TENM4: variants seen among roughly 807,000 people sequenced by gnomAD.
TENM4 encodes the protein teneurin transmembrane protein 4.
A neutral mutation model predicts 243.3 loss-of-function variants in TENM4; 82 were observed. The observed-to-expected ratio is 0.34, with a 90% CI of 0.28 to 0.40. The LOEUF is 0.40. Ranked by LOEUF, TENM4 falls within the 10% of genes least tolerant of loss-of-function variation. The pLI, the probability that TENM4 is intolerant of heterozygous loss-of-function variation, is 1.00. For synonymous variants in TENM4, 1,412 were observed against 1,456.3 expected, an observed-to-expected ratio of 0.97 and a Z score of 0.69; for missense variants, 3,138 against 3,673.3, an observed-to-expected ratio of 0.85 and a Z score of 3.77.
At chr11:79,282,131 C>T (rs1277140200) in intron 2 of TENM4, among the ~76,000 whole-genome samples, 1 of 152,156 alleles carries the variant, frequency 6.6e-6, no homozygotes, top group African/African-American at 2.4e-5. Context: ...ACTTCAAACC[C>T]GCAAGGAAAC....
intron 2 of TENM4, among the ~76,000 whole-genome samples, chr11:79,287,181 G>C (rs939701369): frequency 2.0e-5 from 3 of 152,218 alleles, no homozygotes; most frequent in Non-Finnish European, 2.9e-5. Context: ...GTCTTGGAGG[G>C]ATCATGAGAG....
intron 32 of TENM4, among the ~76,000 whole-genome samples, chr11:78,663,073 A>C (rs1216479294): frequency 1.3e-5 from 2 of 152,210 alleles, no homozygotes; most frequent in African/African-American, 2.4e-5. Context: ...GGCCGGAGCA[A>C]GAAGAGCTTC....
chr11:78,709,614 A>AC (rs893591943), intron 26 of TENM4, among the ~76,000 whole-genome samples: 10 of 152,038 alleles, frequency 6.6e-5, no homozygotes, highest in African/African-American at 1.9e-4. Context: ...GCTAAACTGC[A>AC]CCCCCCAGGT....
intron 2 of TENM4, among the ~76,000 whole-genome samples, chr11:79,264,988 C>T (rs951114851): frequency 5.9e-5 from 9 of 152,118 alleles, no homozygotes; most frequent in African/African-American, 1.7e-4. Flanking sequence ...TGGAGGCAGC[C>T]AGGTGTGGGG....
chr11:78,669,432 T>A lies in TENM4; in HGVS notation c.6913A>T (p.Ser2305Cys). The change falls in exon 32 of 34, where the codon AGC becomes TGC. Residue 2305 changes from serine (S) to cysteine (C), a missense_variant. Physicochemically the swap from Ser to Cys is moderately radical, Grantham distance 112. Coordinates refer to ENST00000278550, the MANE Select transcript of TENM4 (RefSeq NM_001098816.3). This position sits in a 1 kb window ranked among gnomAD's most constrained non-coding sequence, Gnocchi z 6.4. ...GLGRRVSSKS[S>C]HSHHLQFFYA... ...AAGAACTGCAGGTGGTGGCTGTGGC[T>A]GCTCTTGCTGGACACGCGCCGCCCC... 1 of 1,612,924 alleles carries A rather than the reference T, an allele frequency of 6.2e-7. No homozygotes were observed. Among genetic ancestry groups the A allele is most frequent in the Non-Finnish European group, 8.5e-7 (1 of 1,179,246 alleles).
At chr11:79,138,297 T>A (rs1862152592) in intron 4 of TENM4, among the ~76,000 whole-genome samples, 1 of 126,658 alleles carries the variant, frequency 7.9e-6, no homozygotes, top group African/African-American at 3.2e-5. Context: ...AGTTAATACT[T>A]AATAAACTCC....
intron 1 of TENM4, among the ~76,000 whole-genome samples, chr11:79,332,923 ACT>A (rs1343187809): frequency 1.3e-5 from 2 of 152,006 alleles, no homozygotes; most frequent in African/African-American, 4.8e-5. Context: ...CGCCTGTCTC[ACT>A]CTGAAACTCT....
intron 9 of TENM4, among the ~76,000 whole-genome samples, chr11:78,877,509 T>C (rs895013672): frequency 3.9e-5 from 6 of 152,162 alleles, no homozygotes; most frequent in Admixed American, 1.3e-4. Flanking sequence ...AAAATTCCTT[T>C]CCAAGAAGGC....
chr11:78,940,883 C>G (rs1856877207), intron 6 of TENM4, among the ~76,000 whole-genome samples: 1 of 152,214 alleles, frequency 6.6e-6, no homozygotes, highest in Admixed American at 6.5e-5. Flanking sequence ...TCTTCTCTCC[C>G]TGGTCCTAGG....
At chr11:78,745,992 G>A (rs543807279) in intron 19 of TENM4, among the ~76,000 whole-genome samples, 4 of 151,828 alleles carry the variant, frequency 2.6e-5, no homozygotes, top group South Asian at 2.1e-4. Flanking sequence ...TTGCTCTGTC[G>A]CCCCAGCTGG....
chr11:79,264,540 AG>A (rs1451622656), intron 2 of TENM4, among the ~76,000 whole-genome samples: 1 of 152,136 alleles, frequency 6.6e-6, no homozygotes, highest in Non-Finnish European at 1.5e-5. Flanking sequence ...TGAATATTCA[AG>A]GAAGGTTCTG....
chr11:78,913,862 T>C (rs1554976375), intron 6 of TENM4, among the ~76,000 whole-genome samples: 1 of 152,096 alleles, frequency 6.6e-6, no homozygotes, highest in Non-Finnish European at 1.5e-5. Flanking sequence ...AGTTAATGCT[T>C]TCCCTGGCTT....
At position 78,812,834 on chromosome 11, in the gene TENM4, G is replaced by A. The variant is rs916793977; in HGVS notation, c.1784-518C>T. ...CCATATTCTACTGCCCCCTTAAGAA[G>A]AGAGCAGAGCCCAACTTGGCTCTTT... is the stretch of plus-strand genomic sequence containing the variant. On this transcript the variant is annotated intron_variant, in intron 13 of 33. Transcript: ENST00000278550. Among the ~76,000 whole-genome samples, 5 of 152,194 alleles carry A rather than the reference G, an allele frequency of 3.3e-5. No homozygotes were observed. In the East Asian group the frequency reaches 9.6e-4, roughly 29 times the overall value.
At chr11:79,298,014 C>G (rs1017055764) in intron 1 of TENM4, among the ~76,000 whole-genome samples, 7 of 151,770 alleles carry the variant, frequency 4.6e-5, no homozygotes, top group Admixed American at 1.3e-4. Flanking sequence ...AAAAGCACCA[C>G]GCCAGTCATG....
At position 78,661,436 on chromosome 11, in the gene TENM4, G is replaced by A. The variant is rs187311522; in HGVS notation, c.7551+13C>T. On this transcript the variant is annotated intron_variant, in intron 33 of 33. Transcript: ENST00000278550. The stretch of plus-strand genomic sequence containing the variant: ...GAGTGGCCTGAGGAGTGGCAGCCTT[G>A]TGCAGGAATTACCTTGCTGTTGTCC... 3.1e-6 allele frequency: 5 copies of A among 1,603,242 alleles called. No homozygotes were observed. The African/African-American group carries it at 6.7e-5, about 21-fold the overall frequency.
chr11:79,012,209 A>G (rs17137594), intron 6 of TENM4, among the ~76,000 whole-genome samples: 26,611 of 152,216 alleles, frequency 0.17, 4,464 homozygotes, highest in African/African-American at 0.44. Flanking sequence ...AAAAGTCACC[A>G]TGAGAGTGGC....
intron 16 of TENM4, among the ~76,000 whole-genome samples, chr11:78,781,968 G>C (rs1485944467): frequency 1.3e-5 from 2 of 152,164 alleles, no homozygotes; most frequent in Admixed American, 1.3e-4. Flanking sequence ...CTGATAACTT[G>C]AGGTAGATCC....
chr11:79,254,632 T>C (rs1199386462), intron 2 of TENM4, among the ~76,000 whole-genome samples: 3 of 152,236 alleles, frequency 2.0e-5, no homozygotes, highest in Non-Finnish European at 2.9e-5. Flanking sequence ...AAGGCCATTT[T>C]GTTTTCCTTA....
At chr11:78,865,460 C>G (rs1858946734) in intron 9 of TENM4, among the ~76,000 whole-genome samples, 1 of 152,160 alleles carries the variant, frequency 6.6e-6, no homozygotes, top group Non-Finnish European at 1.5e-5. Context: ...AAAGACATCC[C>G]CCTTTTGTAC....
Sources: gnomAD v4.1 joint callset for allele counts (sites outside exome capture counted in the v4.1 genomes callset) on GRCh38, gnomAD v4.1.1 for gene constraint, Gnocchi (gnomAD v3.1) non-coding constraint, MANE v1.5 for transcripts, NCBI Gene and HGNC (gene_info 2026-07-23, HGNC 2026-07-21) for gene names.